The following MAP4 variants were observed in gnomAD, a reference collection of about 807,000 sequenced individuals.
MAP4 encodes microtubule associated protein 4.
In MAP4, 76 loss-of-function variants were observed where a neutral mutation model predicts 170.2. The ratio of observed to expected loss-of-function variants is 0.45; its 90% CI spans 0.37 to 0.54. The LOEUF is 0.54. Ranked by LOEUF, MAP4 falls within the 20% of genes least tolerant of loss-of-function variation. The probability of loss-of-function intolerance (pLI) is 0.00; values close to 1 mark genes in which losing one functional copy is unlikely to be tolerated. For synonymous variants in MAP4, 909 were observed against 994.5 expected, an observed-to-expected ratio of 0.91 and a Z score of 1.62; for missense variants, 2,506 against 2,748.0, an observed-to-expected ratio of 0.91 and a Z score of 1.97.
intron 3 of MAP4, among the ~76,000 whole-genome samples, chr3:47,959,900 T>C (rs1476570866): frequency 6.6e-6 from 1 of 152,124 alleles, no homozygotes; most frequent in Non-Finnish European, 1.5e-5. Flanking sequence ...TCTTGTTCTG[T>C]TGCCCAGGCT....
chr3:48,060,789 A>C (rs945352793), intron 1 of MAP4, among the ~76,000 whole-genome samples: 3 of 152,142 alleles, frequency 2.0e-5, no homozygotes, highest in Admixed American at 6.5e-5. Flanking sequence ...AAATGTAGCC[A>C]GTCTTACAAC....
chr3:47,952,736 A>T (rs958950180), intron 3 of MAP4, among the ~76,000 whole-genome samples: 8 of 152,094 alleles, frequency 5.3e-5, no homozygotes, highest in African/African-American at 1.9e-4. Context: ...CAGCCTGGCC[A>T]ATATGGTGAA....
In MAP4 at chr3:47,854,564, C is replaced by T. The variant is rs578139407; in HGVS notation, c.6696+684G>A. ...ATGCCCCTCATGGGCCCCCCACCCA[C>T]GGATGACATGGAACATAGGACAGAC... On this transcript the variant is annotated intron_variant, in intron 19 of 20. Coordinates refer to ENST00000683076, the MANE Select transcript of MAP4 (RefSeq NM_001385682.1). Among the ~76,000 whole-genome samples, 22 of 152,324 alleles carry T rather than the reference C, an allele frequency of 1.4e-4. 1 individual carries two copies. In the South Asian group the frequency reaches 3.5e-3, roughly 24 times the overall value.
Position 47,910,329 on chromosome 3 carries a change from A to C in MAP4, c.4092T>G (p.Asn1364Lys). ...TTTTAACCTTTTTACTTTTTCCATC[A>C]TTACTCCTTTTACTTGGTTTGTCAG... The part of the protein sequence containing the change: ...AVADKPSKRS[N>K]DGKSKKVKNS... Residue 1364 changes from asparagine to lysine, a missense_variant, in exon 9 of 21, where the codon AAT becomes AAG. Around this residue, in one of 3 missense-constraint regions of MAP4, gnomAD observed 2,008 missense variants for 2,206.0 expected, o/e 0.91. Coordinates refer to ENST00000683076, the MANE Select transcript of MAP4 (RefSeq NM_001385682.1). The C allele has an allele frequency of 6.4e-7, 1 of 1,550,446 alleles. No homozygotes were observed. The highest frequency in any genetic ancestry group is 1.4e-5 in the African/African-American group (1 of 73,990).
At chr3:48,018,386 A>G (rs58653831), upstream of MAP4, among the ~76,000 whole-genome samples, 622 of 152,338 alleles carry the variant, frequency 4.1e-3, 6 homozygotes, top group African/African-American at 0.014. Context: ...TGACACGATG[A>G]AAGTTATTAG....
At chr3:47,958,435 T>G (rs1055411219) in intron 3 of MAP4, among the ~76,000 whole-genome samples, 1 of 152,206 alleles carries the variant, frequency 6.6e-6, no homozygotes, top group Non-Finnish European at 1.5e-5. Flanking sequence ...AACTTTCTCT[T>G]TGTTATATTT....
At chr3:47,970,454 C>T (rs572051732) in intron 3 of MAP4, among the ~76,000 whole-genome samples, 41 of 151,192 alleles carry the variant, frequency 2.7e-4, no homozygotes, top group African/African-American at 6.6e-4. Flanking sequence ...CATTGCACTG[C>T]GCTCCAGCCT....
chr3:47,988,063 A>G (rs557929528), intron 2 of MAP4, among the ~76,000 whole-genome samples: 1 of 152,138 alleles, frequency 6.6e-6, no homozygotes, highest in Admixed American at 6.5e-5. Flanking sequence ...GCGTGGCGGC[A>G]CACGCCTGTA....
In MAP4 at chr3:47,964,773, T is replaced by C. The variant is rs78455864; in HGVS notation, c.292+13092A>G. Among the ~76,000 whole-genome samples the C allele has an allele frequency of 1.6e-4, 25 of 152,340 alleles. 1 individual carries two copies. In the East Asian group the frequency reaches 4.8e-3, roughly 29 times the overall value. On this transcript the variant is annotated intron_variant, in intron 3 of 20. Coordinates refer to ENST00000683076, the MANE Select transcript of MAP4 (RefSeq NM_001385682.1). ...ACAAACGTACAAAATACCTAACATA[T>C]AAAGCATCCCTTTAATTCTGAAGAG...
Position 47,977,845 on chromosome 3 carries a change from G to A in MAP4, c.292+20C>T. ...TAAGTGCATCACCTACACATTTGGG[G>A]AATCCTGGGAATCACTTACCTGTAG... is the stretch of plus-strand genomic sequence containing the variant. On this transcript the variant is annotated intron_variant, in intron 3 of 20. Transcript: ENST00000683076. 1 of 1,572,788 alleles carries A rather than the reference G, an allele frequency of 6.4e-7. No individual in the cohort carries two copies. Among genetic ancestry groups the A allele is most frequent in the Non-Finnish European group, 8.7e-7 (1 of 1,143,458 alleles).
At chr3:47,932,729 C>T (rs564283195) in intron 3 of MAP4, among the ~76,000 whole-genome samples, 4 of 152,190 alleles carry the variant, frequency 2.6e-5, no homozygotes, top group South Asian at 4.2e-4. Flanking sequence ...TCTTTGGAGA[C>T]GTGAAATGAG....
chr3:47,880,804 C>T (rs2096592031), intron 10 of MAP4, among the ~76,000 whole-genome samples: 1 of 152,076 alleles, frequency 6.6e-6, no homozygotes, highest in South Asian at 2.1e-4. Flanking sequence ...GGTTTTATGA[C>T]CCAAGATCCA....
At chr3:47,917,895 T>C (rs1343712136) in intron 6 of MAP4, among the ~76,000 whole-genome samples, 2 of 152,162 alleles carry the variant, frequency 1.3e-5, no homozygotes, top group Non-Finnish European at 2.9e-5. Context: ...TTGCCCAAGC[T>C]GGAGTGCAGT....
At chr3:47,958,478 C>G (rs1490866841) in intron 3 of MAP4, among the ~76,000 whole-genome samples, 2 of 152,100 alleles carry the variant, frequency 1.3e-5, no homozygotes, top group Non-Finnish European at 2.9e-5. Context: ...CCATTTTCTT[C>G]TTTCCTTCTT....
chr3:48,061,565 G>A (rs1340880373), intron 1 of MAP4, among the ~76,000 whole-genome samples: 1 of 152,200 alleles, frequency 6.6e-6, no homozygotes, highest in African/African-American at 2.4e-5. Context: ...CCAGCCGCCT[G>A]CCTTGGCCTC....
chr3:48,079,569 C>T (rs1015665442), intron 1 of MAP4, among the ~76,000 whole-genome samples: 2 of 150,130 alleles, frequency 1.3e-5, no homozygotes, highest in Admixed American at 1.3e-4. Flanking sequence ...GCAGGAGGAT[C>T]GCCTGAACCC....
At chr3:47,996,702 T>A (rs2100095872) in intron 2 of MAP4, among the ~76,000 whole-genome samples, 1 of 150,582 alleles carries the variant, frequency 6.6e-6, no homozygotes, top group Non-Finnish European at 1.5e-5. Flanking sequence ...GCCTACTATT[T>A]TACATGTGAG....
chr3:48,086,358 C>A (rs1024096437), intron 1 of MAP4, among the ~76,000 whole-genome samples: 9 of 151,982 alleles, frequency 5.9e-5, no homozygotes, highest in African/African-American at 1.9e-4. Flanking sequence ...AATAAATGGC[C>A]GGGCATGGTG....
chr3:47,891,394 G>T (rs2100023853), intron 10 of MAP4: 3 of 1,535,884 alleles, frequency 2.0e-6, no homozygotes, highest in South Asian at 2.4e-5. Flanking sequence ...TCAATTTGTA[G>T]CTAGCTGTCT....
Sources: allele counts gnomAD v4.1 joint callset (sites outside exome capture counted in the v4.1 genomes callset), GRCh38; gene constraint gnomAD v4.1.1; regional missense constraint gnomAD v4.1.1; transcripts MANE v1.5; gene names NCBI Gene and HGNC (gene_info 2026-07-23, HGNC 2026-07-21).